Variants in SLIT3 observed in about 807,000 individuals in gnomAD.
SLIT3 encodes the protein slit homolog 3 protein.
A neutral mutation model predicts 184.0 loss-of-function variants in SLIT3; 68 were observed. That is an observed-to-expected ratio of 0.37 (90% CI 0.30 to 0.45). The LOEUF is 0.45. SLIT3 is among the 20% of genes least tolerant of loss of function. The probability of loss-of-function intolerance (pLI) is 1.00; values close to 1 mark genes in which losing one functional copy is unlikely to be tolerated. For missense variants in SLIT3, 1,707 were observed against 2,026.0 expected (o/e 0.84, Z 3.02); for synonymous variants, 831 against 828.6 (o/e 1.00, Z -0.05).
At chr5:168,741,315 C>CA (rs1171937901) in intron 20 of SLIT3, among the ~76,000 whole-genome samples, 10 of 151,528 alleles carry the variant, frequency 6.6e-5, no homozygotes, top group African/African-American at 1.5e-4. Flanking sequence ...CTAAAAAATA[C>CA]AAAAAATTAG....
At chr5:168,953,043 G>A (rs951112034) in intron 4 of SLIT3, among the ~76,000 whole-genome samples, 2 of 152,214 alleles carry the variant, frequency 1.3e-5, no homozygotes, top group Non-Finnish European at 2.9e-5. Flanking sequence ...GGATTGTGGA[G>A]GATGAGGACC....
intron 4 of SLIT3, among the ~76,000 whole-genome samples, chr5:169,015,759 AAC>A: frequency 6.6e-6 from 1 of 152,000 alleles, no homozygotes; most frequent in South Asian, 2.1e-4. Context: ...ACAAAAACAA[AAC>A]ACAGCAAAAA....
At chr5:169,101,155 A>C (rs1448766160) in intron 4 of SLIT3, among the ~76,000 whole-genome samples, 2 of 152,198 alleles carry the variant, frequency 1.3e-5, no homozygotes, top group Non-Finnish European at 2.9e-5. Context: ...AAGAAACTTG[A>C]CTGTCATCTT....
At chr5:168,796,991 C>T (rs1000356725) in intron 9 of SLIT3, among the ~76,000 whole-genome samples, 3 of 151,300 alleles carry the variant, frequency 2.0e-5, no homozygotes, top group African/African-American at 7.3e-5. Flanking sequence ...TCTTGGCTGC[C>T]GGATGAATAG....
chr5:168,823,354 T>A, intron 6 of SLIT3, 23 bp from the exon 7 acceptor site: 3 of 1,578,656 alleles, frequency 1.9e-6, no homozygotes, highest in Non-Finnish European at 1.7e-6. Context: ...ACAAGGGAGA[T>A]GGTCAGCCAG....
intron 5 of SLIT3, 61 bp from the exon 6 acceptor site, chr5:168,844,716 C>G (rs1244077481): frequency 5.2e-6 from 8 of 1,526,740 alleles, no homozygotes; most frequent in Non-Finnish European, 7.3e-6. Context: ...GGCCGGCGGC[C>G]CAGGCCACCC....
chr5:169,033,646 G>A (rs1757122551), intron 4 of SLIT3, among the ~76,000 whole-genome samples: 2 of 152,096 alleles, frequency 1.3e-5, no homozygotes, highest in African/African-American at 4.8e-5. Context: ...TGGGTGTAAG[G>A]TGGTATCTCA....
chr5:169,268,391 A>T (rs74379971), intron 1 of SLIT3, among the ~76,000 whole-genome samples: 1 of 152,196 alleles, frequency 6.6e-6, no homozygotes, highest in Non-Finnish European at 1.5e-5. Context: ...ATGGCACCAC[A>T]TAAGACTCCC....
chr5:168,731,463 A>T (rs774508378), intron 20 of SLIT3, among the ~76,000 whole-genome samples: 55 of 152,086 alleles, frequency 3.6e-4, no homozygotes, highest in Non-Finnish European at 6.6e-4. Context: ...TGAGGTCAGT[A>T]TCACCCTAAT....
intron 16 of SLIT3, among the ~76,000 whole-genome samples, chr5:168,757,508 A>C (rs1189810437): frequency 2.0e-5 from 3 of 151,400 alleles, no homozygotes; most frequent in Non-Finnish European, 3.0e-5. Flanking sequence ...ATCTCGGCTC[A>C]CTGGAAGCTC....
At chr5:169,294,015 C>A (rs1767430824) in intron 1 of SLIT3, among the ~76,000 whole-genome samples, 1 of 152,162 alleles carries the variant, frequency 6.6e-6, no homozygotes, top group Non-Finnish European at 1.5e-5. Flanking sequence ...AGCACAGTGC[C>A]AGGGCACCCT....
chr5:168,840,060 C>T (rs1280879710), intron 6 of SLIT3, among the ~76,000 whole-genome samples: 2 of 152,174 alleles, frequency 1.3e-5, no homozygotes. Context: ...CCAGCGCCAA[C>T]CTATAATAAT....
chr5:168,740,672 G>C (rs1017033830), intron 20 of SLIT3, among the ~76,000 whole-genome samples: 2 of 152,158 alleles, frequency 1.3e-5, no homozygotes, highest in African/African-American at 4.8e-5. Context: ...AGACGGTTTG[G>C]GGAAAGAAGT....
intron 4 of SLIT3, among the ~76,000 whole-genome samples, chr5:169,065,582 G>C (rs1240673814): frequency 6.6e-6 from 1 of 152,124 alleles, no homozygotes; most frequent in Non-Finnish European, 1.5e-5. Context: ...CTTTGTCTTC[G>C]TCACATCAGA....
At chr5:168,946,218 T>C (rs1762479445) in intron 4 of SLIT3, among the ~76,000 whole-genome samples, 1 of 152,196 alleles carries the variant, frequency 6.6e-6, no homozygotes, top group Non-Finnish European at 1.5e-5. Context: ...TTATGGCTGC[T>C]GATTTGAGAA....
chr5:168,986,513 C>T (rs1427014207), intron 4 of SLIT3, among the ~76,000 whole-genome samples: 1 of 152,180 alleles, frequency 6.6e-6, no homozygotes. Context: ...CATCAGCATC[C>T]AGGCCCCCAT....
intron 31 of SLIT3, 63 bp from the exon 32 acceptor site, chr5:168,684,159 TC>T: frequency 1.4e-6 from 2 of 1,441,474 alleles, no homozygotes; most frequent in Non-Finnish European, 1.8e-6. Context: ...TCCCTGCCCA[TC>T]TCACAGAGCC....
At chr5:169,085,826 G>A (rs551166121) in intron 4 of SLIT3, among the ~76,000 whole-genome samples, 5 of 152,216 alleles carry the variant, frequency 3.3e-5, no homozygotes, top group African/African-American at 4.8e-5. Flanking sequence ...GGTGGATCTC[G>A]TGCAAACCAC....
chr5:168,934,668 A>G (rs62377198), intron 4 of SLIT3, among the ~76,000 whole-genome samples: 3,074 of 152,256 alleles, frequency 0.02, 48 homozygotes, highest in Non-Finnish European at 0.031. Flanking sequence ...GAGACTGGGG[A>G]GGAGTGTTGT....
Sources: allele counts gnomAD v4.1 joint callset (sites outside exome capture counted in the v4.1 genomes callset), GRCh38; gene constraint gnomAD v4.1.1; transcripts MANE v1.5; gene names NCBI Gene and HGNC (gene_info 2026-07-23, HGNC 2026-07-21).